Variants in PACSIN2 observed in about 807,000 individuals in gnomAD.
PACSIN2 encodes protein kinase C and casein kinase substrate in neurons 2.
In PACSIN2, 25 loss-of-function variants were observed where a neutral mutation model predicts 63.8. The ratio of observed to expected loss-of-function variants is 0.39; its 90% CI spans 0.29 to 0.55. PACSIN2 has a LOEUF of 0.55. Ranked by LOEUF, PACSIN2 falls within the 20% of genes least tolerant of loss-of-function variation. The pLI, the probability that PACSIN2 is intolerant of heterozygous loss-of-function variation, is 0.62. For missense variants in PACSIN2, 518 were observed against 646.9 expected (o/e 0.80, Z 2.16); for synonymous variants, 255 against 256.2 (o/e 1.00, Z 0.05).
intron 1 of PACSIN2, among the ~76,000 whole-genome samples, chr22:42,926,840 C>A (rs1399813856): frequency 1.3e-5 from 2 of 150,532 alleles, no homozygotes; most frequent in East Asian, 3.9e-4. Flanking sequence ...GAGACCCTAT[C>A]TCTTAAAAAA....
chr22:42,982,236 G>A (rs1246103956), intron 1 of PACSIN2, among the ~76,000 whole-genome samples: 15 of 62,488 alleles, frequency 2.4e-4, no homozygotes, highest in African/African-American at 1.1e-3. Flanking sequence ...CAGCCGCCCC[G>A]TCCGGGAGGG....
chr22:42,913,393 C>T (rs1371486594), intron 1 of PACSIN2, among the ~76,000 whole-genome samples: 1 of 149,778 alleles, frequency 6.7e-6, no homozygotes, highest in African/African-American at 2.5e-5. Context: ...GCAGGAGAAT[C>T]GCTTGAACCT....
At chr22:42,890,307 T>G (rs1030095424) in intron 4 of PACSIN2, among the ~76,000 whole-genome samples, 2 of 152,196 alleles carry the variant, frequency 1.3e-5, no homozygotes, top group Non-Finnish European at 2.9e-5. Flanking sequence ...GCAAGGACTT[T>G]TAAGTCTCCA....
intron 1 of PACSIN2, among the ~76,000 whole-genome samples, chr22:43,000,806 C>G (rs765320586): frequency 1.3e-5 from 2 of 152,232 alleles, no homozygotes; most frequent in South Asian, 4.1e-4. Context: ...TATCCTTTCA[C>G]TCAGTCTTCA....
At chr22:42,958,111 T>C (rs1427811106) in intron 1 of PACSIN2, among the ~76,000 whole-genome samples, 1 of 151,934 alleles carries the variant, frequency 6.6e-6, no homozygotes, top group Non-Finnish European at 1.5e-5. Flanking sequence ...AAAACACTCT[T>C]AGCTAAGTGA....
At chr22:42,944,372 T>C (rs1168938569) in intron 1 of PACSIN2, among the ~76,000 whole-genome samples, 1 of 152,190 alleles carries the variant, frequency 6.6e-6, no homozygotes, top group Non-Finnish European at 1.5e-5. Context: ...CACAACTTCC[T>C]TTAAAATATG....
intron 1 of PACSIN2, among the ~76,000 whole-genome samples, chr22:42,926,592 G>A (rs990650514): frequency 7.3e-5 from 11 of 151,368 alleles, no homozygotes; most frequent in Admixed American, 4.6e-4. Flanking sequence ...TCTCTGTTAA[G>A]AAGAAAAGAG....
chr22:42,942,071 C>G (rs903021794), intron 1 of PACSIN2, among the ~76,000 whole-genome samples: 1 of 151,264 alleles, frequency 6.6e-6, no homozygotes, highest in Non-Finnish European at 1.5e-5. Context: ...GCCACTGTGT[C>G]CGGCCTTTAT....
intron 1 of PACSIN2, among the ~76,000 whole-genome samples, chr22:42,990,429 G>A (rs1053222147): frequency 3.3e-5 from 5 of 152,102 alleles, no homozygotes; most frequent in Non-Finnish European, 5.9e-5. Flanking sequence ...CCTGCCCTCC[G>A]CCTACCCAGC....
At position 42,936,944 on chromosome 22, in the gene PACSIN2, A is replaced by T. The variant is rs75252514; in HGVS notation, c.-77-24787T>A. On this transcript the variant is annotated intron_variant, in intron 1 of 10. Coordinates refer to ENST00000263246, the MANE Select transcript of PACSIN2 (RefSeq NM_001184970.3). ...GGGGGGGGGCAGGGGCAGTAAATTA[A>T]ATTAGCAAATACCTATTTACACCCA... 5.1e-3 allele frequency among the ~76,000 whole-genome samples: 771 copies of T among 152,224 alleles called. 3 individuals carry two copies. The highest frequency in any genetic ancestry group is 0.018 in the African/African-American group (737 of 41,540).
At chr22:42,908,477 G>A (rs2146713258) in intron 2 of PACSIN2, among the ~76,000 whole-genome samples, 1 of 152,330 alleles carries the variant, frequency 6.6e-6, no homozygotes, top group East Asian at 1.9e-4. Flanking sequence ...GAGAAGGCCT[G>A]GAAGCAGTGC....
chr22:42,997,908 G>C (rs1923521949), intron 1 of PACSIN2, among the ~76,000 whole-genome samples: 1 of 152,158 alleles, frequency 6.6e-6, no homozygotes, highest in Admixed American at 6.5e-5. Context: ...AAATACAAGT[G>C]AAGAAACATT....
chr22:42,948,565 G>T, intron 1 of PACSIN2, among the ~76,000 whole-genome samples: 1 of 152,162 alleles, frequency 6.6e-6, no homozygotes, highest in East Asian at 1.9e-4. Context: ...TTGAGCCCAA[G>T]AGTTTGAGGC....
Position 42,983,498 on chromosome 22 carries a change from A to AAAAC in PACSIN2, c.-78+31522_-78+31523insGTTT, listed in dbSNP as rs751775938. Among the ~76,000 whole-genome samples the AAAAC allele has an allele frequency of 2.1e-4, 30 of 145,446 alleles. 1 individual carries two copies. Among genetic ancestry groups the AAAAC allele is most frequent in the South Asian group, 1.6e-3 (7 of 4,332 alleles). On this transcript the variant is annotated intron_variant, in intron 1 of 10. Transcript: ENST00000263246. Reference sequence around the variant, plus strand: ...GAGTGAGACTCCATCTCAAAAAAAAAAAAAAAAAAACAGATATTGAAGGCA... The same window carrying AAAAC: ...GAGTGAGACTCCATCTCAAAAAAAAAAAACAAAAAAAAAACAGATATTGAAGGCA...
At chr22:42,937,528 G>A (rs769701358) in intron 1 of PACSIN2, among the ~76,000 whole-genome samples, 3 of 152,098 alleles carry the variant, frequency 2.0e-5, no homozygotes, top group Non-Finnish European at 2.9e-5. Flanking sequence ...TAGATGTCCC[G>A]GCTCGATCAC....
At chr22:42,928,726 A>C (rs905431907) in intron 1 of PACSIN2, among the ~76,000 whole-genome samples, 2 of 152,262 alleles carry the variant, frequency 1.3e-5, no homozygotes, top group East Asian at 3.8e-4. Flanking sequence ...AATTTAAGGA[A>C]AAATACACAC....
intron 1 of PACSIN2, among the ~76,000 whole-genome samples, chr22:42,940,348 C>A (rs12106537): frequency 0.01 from 1,590 of 152,336 alleles, 33 homozygotes; most frequent in South Asian, 0.046. Flanking sequence ...GTCTTCATCT[C>A]TGAATCTCAG....
chr22:42,979,970 T>C (rs1601598926), intron 1 of PACSIN2, among the ~76,000 whole-genome samples: 1 of 152,120 alleles, frequency 6.6e-6, no homozygotes, highest in East Asian at 1.9e-4. Context: ...ACATATAGTA[T>C]AAATACACAT....
intron 2 of PACSIN2, among the ~76,000 whole-genome samples, chr22:42,897,088 C>G (rs1177066912): frequency 6.6e-6 from 1 of 152,048 alleles, no homozygotes. Context: ...AGGTACGCAC[C>G]ACCACACCTG....
Sources: allele counts gnomAD v4.1 joint callset (sites outside exome capture counted in the v4.1 genomes callset), GRCh38; gene constraint gnomAD v4.1.1; transcripts MANE v1.5; gene names NCBI Gene and HGNC (gene_info 2026-07-23, HGNC 2026-07-21).